SCARA3: variants seen among roughly 807,000 people sequenced by gnomAD.
SCARA3 encodes the protein scavenger receptor class A member 3.
A neutral mutation model predicts 47.0 loss-of-function variants in SCARA3; 39 were observed. That is an observed-to-expected ratio of 0.83 (90% CI 0.64 to 1.08). The LOEUF (loss-of-function observed/expected upper bound fraction) is 1.08, where lower values mean the gene tolerates loss of function less well. Ranked by LOEUF, SCARA3 falls within the 50% of genes least tolerant of loss-of-function variation. The probability of loss-of-function intolerance (pLI) is 0.00; values close to 1 mark genes in which losing one functional copy is unlikely to be tolerated. For synonymous variants in SCARA3, 356 were observed against 334.1 expected (o/e 1.07, Z -0.71); for missense variants, 724 against 792.3 (o/e 0.91, Z 1.04).
In SCARA3 at chr8:27,665,109, T is replaced by C. The variant is rs1363859390; in HGVS notation, c.1369+5570T>C. Among the ~76,000 whole-genome samples, 3 of 152,142 alleles carry C rather than the reference T, an allele frequency of 2.0e-5. No homozygotes were observed. The East Asian group carries it at 5.8e-4, about 29-fold the overall frequency. On this transcript the variant is annotated intron_variant, in intron 5 of 5. Coordinates refer to ENST00000301904, the MANE Select transcript of SCARA3 (RefSeq NM_016240.3). ...CGGCTATCTGGAATAAAGGGAGGGA[T>C]TGCAGCGGCTGGAGCCATGTGGAAG...
At chr8:27,658,048 C>T (rs1801780206) in intron 4 of SCARA3, among the ~76,000 whole-genome samples, 1 of 152,198 alleles carries the variant, frequency 6.6e-6, no homozygotes, top group African/African-American at 2.4e-5. Context: ...ATAGAAGGTT[C>T]TGGTCTGGCA....
At chr8:27,668,279 G>A (rs1020606627) in intron 5 of SCARA3, among the ~76,000 whole-genome samples, 1 of 152,086 alleles carries the variant, frequency 6.6e-6, no homozygotes. Flanking sequence ...GGTGGCTCAC[G>A]CCTGTAATCC....
intron 4 of SCARA3, among the ~76,000 whole-genome samples, 178 bp from the exon 5 acceptor site, chr8:27,658,318 G>C (rs530243868): frequency 2.0e-5 from 3 of 152,308 alleles, no homozygotes; most frequent in South Asian, 2.1e-4. Context: ...CGGTAAAAAT[G>C]AGATTCCATA....
chr8:27,684,177 G>A, the SCARA3 span, among the ~76,000 whole-genome samples: 1 of 152,052 alleles, frequency 6.6e-6, no homozygotes, highest in African/African-American at 2.4e-5. Flanking sequence ...CACATGATCT[G>A]TGCATTTCAT....
chr8:27,710,234 A>C, the SCARA3 span, among the ~76,000 whole-genome samples: 9 of 151,296 alleles, frequency 5.9e-5, no homozygotes, highest in Non-Finnish European at 8.9e-5. Context: ...CGTCTCAAAA[A>C]AAAAAAAAAA....
At chr8:27,693,293 C>T in the SCARA3 span, among the ~76,000 whole-genome samples, 1 of 152,160 alleles carries the variant, frequency 6.6e-6, no homozygotes, top group Non-Finnish European at 1.5e-5. Context: ...AAACTGTAGC[C>T]TGACAACATT....
At chr8:27,660,890 A>T (rs1201906417) in intron 5 of SCARA3, among the ~76,000 whole-genome samples, 1 of 152,062 alleles carries the variant, frequency 6.6e-6, no homozygotes, top group Non-Finnish European at 1.5e-5. Context: ...AGATAATGAT[A>T]GAGATAGATG....
At position 27,672,806 on chromosome 8, in the gene SCARA3, C is replaced by T. The variant is rs996613766; in HGVS notation, c.*1455C>T. On this transcript the variant is annotated 3_prime_UTR_variant, in exon 6 of 6. Transcript: ENST00000301904. ...CAGATTCAGGCACCACCCCCTCCAC[C>T]GCCCGCAAGGTTAGGGCATAGAGTT... The T allele has an allele frequency of 3.6e-5, 35 of 985,558 alleles. No homozygotes were observed. The highest frequency in any genetic ancestry group is 5.2e-4 in the Middle Eastern group (1 of 1,940). The allele number at this position is 985,558 out of a possible 1,614,324, so 61.1% of individuals were successfully genotyped here.
chr8:27,728,648 T>C, the SCARA3 span, among the ~76,000 whole-genome samples: 6 of 152,240 alleles, frequency 3.9e-5, no homozygotes, highest in African/African-American at 1.4e-4. Flanking sequence ...TGAGCTGAAG[T>C]TCTGAATTAT....
chr8:27,637,639 G>A (rs970167884), intron 1 of SCARA3, among the ~76,000 whole-genome samples: 2 of 151,980 alleles, frequency 1.3e-5, no homozygotes, highest in African/African-American at 2.4e-5. Context: ...TCTTTGCCCC[G>A]AGAGACTTCT....
intron 3 of SCARA3, among the ~76,000 whole-genome samples, chr8:27,655,990 G>A (rs900318528): frequency 1.3e-5 from 2 of 152,172 alleles, no homozygotes; most frequent in Admixed American, 1.3e-4. Flanking sequence ...AGGTCAATCG[G>A]CAACATCATG....
At chr8:27,651,683 AGCACCAAAAGTTCCCCT>A (rs1801637254) in intron 3 of SCARA3, 56 bp downstream of exon 3, 3 of 1,597,738 alleles carry the variant, frequency 1.9e-6, no homozygotes. Flanking sequence ...TCAGGGATCC[AGCACCAAAAGTTCCCCT>A]GCAAAGACAA....
At chr8:27,661,729 G>A (rs485810) in intron 5 of SCARA3, among the ~76,000 whole-genome samples, 143,761 of 152,228 alleles carry the variant, frequency 0.94, 68,423 homozygotes, top group Middle Eastern at 1. Context: ...GTCTTCAGCA[G>A]GCCCCTCATC....
At chr8:27,705,789 C>T in the SCARA3 span, among the ~76,000 whole-genome samples, 5 of 152,224 alleles carry the variant, frequency 3.3e-5, no homozygotes, top group South Asian at 2.1e-4. Context: ...TCTACCCTAG[C>T]GATATACACT....
intron 5 of SCARA3, among the ~76,000 whole-genome samples, chr8:27,667,208 A>T (rs1802034682): frequency 6.6e-6 from 1 of 152,158 alleles, no homozygotes; most frequent in African/African-American, 2.4e-5. Flanking sequence ...ACTAAACTAC[A>T]GTTGTTGACT....
intron 1 of SCARA3, among the ~76,000 whole-genome samples, chr8:27,646,963 A>ACTCCCCCCCCCCCCCCCCC (rs1801507243): frequency 3.8e-5 from 1 of 26,634 alleles, no homozygotes; most frequent in Non-Finnish European, 7.1e-5. Flanking sequence ...CGCACCCCTG[A>ACTCCCCCCCCCCCCCCCCC]CCGCCCCCGC....
chr8:27,729,723 G>C, the SCARA3 span, among the ~76,000 whole-genome samples: 14 of 152,048 alleles, frequency 9.2e-5, no homozygotes, highest in Non-Finnish European at 1.9e-4. Context: ...CCCGGGAGGC[G>C]AAAGTTACAG....
At chr8:27,675,515 G>A (rs938910608), downstream of SCARA3, among the ~76,000 whole-genome samples, 2 of 152,146 alleles carry the variant, frequency 1.3e-5, no homozygotes, top group Non-Finnish European at 2.9e-5. Flanking sequence ...TGTGGCAGGC[G>A]GTATACACAG....
intron 1 of SCARA3, among the ~76,000 whole-genome samples, chr8:27,637,659 C>T (rs561561180): frequency 5.9e-5 from 9 of 152,082 alleles, no homozygotes; most frequent in East Asian, 2.0e-4. Context: ...TGCTTGACTG[C>T]GGTGGCCAGG....
Sources: allele counts gnomAD v4.1 joint callset (sites outside exome capture counted in the v4.1 genomes callset), GRCh38; gene constraint gnomAD v4.1.1; transcripts MANE v1.5; gene names NCBI Gene and HGNC (gene_info 2026-07-23, HGNC 2026-07-21).